Variants in DDX10 observed in about 807,000 individuals in gnomAD.
DDX10 encodes the protein DEAD-box helicase 10.
In DDX10, 74 loss-of-function variants were observed where a neutral mutation model predicts 104.3. The ratio of observed to expected loss-of-function variants is 0.71; its 90% confidence interval spans 0.59 to 0.86. DDX10 has a LOEUF of 0.86. Ranked by LOEUF, DDX10 falls within the 40% of genes least tolerant of loss-of-function variation. DDX10 has a pLI of 0.00. For synonymous variants in DDX10, 351 were observed against 353.4 expected, an observed-to-expected ratio of 0.99 and a Z score of 0.08; for missense variants, 952 against 1,040.0, an observed-to-expected ratio of 0.92 and a Z score of 1.16.
At chr11:108,796,320 C>G (rs1861940991) in intron 13 of DDX10, among the ~76,000 whole-genome samples, 1 of 152,168 alleles carries the variant, frequency 6.6e-6, no homozygotes, top group Non-Finnish European at 1.5e-5. Flanking sequence ...TGACAAAACT[C>G]TTGTGTTCTA....
chr11:108,940,645 C>A lies in DDX10; in HGVS notation c.*222C>A. 2.6e-6 allele frequency: 1 copy of A among 391,860 alleles called. No homozygotes were observed. The allele number at this position is 391,860 out of a possible 1,614,324, so 24.3% of individuals were successfully genotyped here. On this transcript the variant is annotated 3_prime_UTR_variant, in exon 18 of 18. Coordinates refer to ENST00000322536, the MANE Select transcript of DDX10 (RefSeq NM_004398.4). ...GAGGGTGGATGATACCATTTCCTGACCCCGTTTTCCAGCATGTGTTCTGTT... is the reference window on the plus strand; with the variant it reads ...GAGGGTGGATGATACCATTTCCTGAACCCGTTTTCCAGCATGTGTTCTGTT...
intron 9 of DDX10, among the ~76,000 whole-genome samples, chr11:108,695,913 A>G (rs1217039445): frequency 1.3e-5 from 2 of 152,192 alleles, no homozygotes; most frequent in African/African-American, 4.8e-5. Context: ...AGACTATTTA[A>G]AAATAGGATT....
chr11:108,916,373 C>A (rs963399619), intron 16 of DDX10, among the ~76,000 whole-genome samples: 1 of 152,012 alleles, frequency 6.6e-6, no homozygotes, highest in Non-Finnish European at 1.5e-5. Context: ...TCTAATCCCC[C>A]CTCCCCCCAA....
chr11:108,808,019 C>A (rs1015105125), intron 13 of DDX10, among the ~76,000 whole-genome samples: 2 of 152,124 alleles, frequency 1.3e-5, no homozygotes, highest in African/African-American at 4.8e-5. Flanking sequence ...CAGTTTCACT[C>A]ACAAATAGCC....
At chr11:108,758,183 A>G (rs1003658667) in intron 13 of DDX10, among the ~76,000 whole-genome samples, 1 of 152,038 alleles carries the variant, frequency 6.6e-6, no homozygotes, top group African/African-American at 2.4e-5. Flanking sequence ...GGGTGAAGCT[A>G]TAGGTTATAC....
At chr11:108,916,634 A>G (rs1863754331) in intron 16 of DDX10, among the ~76,000 whole-genome samples, 1 of 152,184 alleles carries the variant, frequency 6.6e-6, no homozygotes, top group Non-Finnish European at 1.5e-5. Flanking sequence ...AGTTTATATC[A>G]TTTGGTATGA....
At chr11:108,914,695 C>T (rs1863723226) in intron 16 of DDX10, among the ~76,000 whole-genome samples, 1 of 151,982 alleles carries the variant, frequency 6.6e-6, no homozygotes, top group African/African-American at 2.4e-5. Context: ...CCAAAAAAGG[C>T]AATCAGTAGA....
chr11:108,840,932 A>G (rs1364561999), intron 14 of DDX10, among the ~76,000 whole-genome samples: 6 of 152,202 alleles, frequency 3.9e-5, no homozygotes, highest in Non-Finnish European at 7.3e-5. Context: ...TGGAAGCCCA[A>G]AGGAGGTACA....
chr11:108,673,351 G>T, intron 1 of DDX10, 116 bp from the exon 2 acceptor site: 1 of 691,708 alleles, frequency 1.4e-6, no homozygotes, highest in Non-Finnish European at 2.5e-6. Flanking sequence ...AATTAGAAGC[G>T]ATGATTGAAT....
At chr11:108,939,764 G>T (rs7130475) in intron 17 of DDX10, among the ~76,000 whole-genome samples, 5 of 152,182 alleles carry the variant, frequency 3.3e-5, no homozygotes, top group African/African-American at 1.2e-4. Context: ...TAACTAATCT[G>T]TAATTTAACA....
intron 13 of DDX10, among the ~76,000 whole-genome samples, chr11:108,740,294 T>C (rs1026747555): frequency 2.0e-5 from 3 of 152,204 alleles, no homozygotes; most frequent in African/African-American, 7.2e-5. Context: ...TCCATCCATG[T>C]TGCTACAAAG....
In DDX10 at chr11:108,679,488, C is replaced by G. The variant is rs2094231586; in HGVS notation, c.776C>G (p.Ser259Cys). 1 of 1,613,628 alleles carries G rather than the reference C, an allele frequency of 6.2e-7. No individual in the cohort carries two copies. The highest frequency in any genetic ancestry group is 8.5e-7 in the Non-Finnish European group (1 of 1,179,948). Residue 259 changes from serine (S) to cysteine (C), a missense_variant, in exon 6 of 18, where the codon TCT becomes TGT. By Grantham distance (112) the Ser-to-Cys change is moderately radical. This residue lies in a region of DDX10 where 412 missense variants were observed against 479.2 expected (regional missense o/e 0.86). Coordinates refer to ENST00000322536, the MANE Select transcript of DDX10 (RefSeq NM_004398.4). ...TLLFSATQTK[S>C]VKDLARLSLK... is the part of the protein sequence containing the mutation. ...CTTTTCTCAGCAACACAAACTAAAT[C>G]TGTAAAGGACCTTGCACGCTTGAGT...
chr11:108,928,844 G>A (rs1266898145), intron 17 of DDX10, among the ~76,000 whole-genome samples: 2 of 152,118 alleles, frequency 1.3e-5, no homozygotes, highest in African/African-American at 4.8e-5. Context: ...TACATTGATA[G>A]GAATAAAACT....
chr11:108,851,922 G>T (rs1166901019), intron 15 of DDX10, among the ~76,000 whole-genome samples: 1 of 152,120 alleles, frequency 6.6e-6, no homozygotes, highest in Non-Finnish European at 1.5e-5. Context: ...ACTAACCATT[G>T]CATAGCCAGA....
At chr11:108,891,084 C>G (rs1225327385) in intron 16 of DDX10, among the ~76,000 whole-genome samples, 2 of 152,106 alleles carry the variant, frequency 1.3e-5, no homozygotes, top group Non-Finnish European at 2.9e-5. Flanking sequence ...TCTTATGAAG[C>G]CCTTGTGGAA....
At chr11:108,939,354 C>A (rs771926937) in intron 17 of DDX10, among the ~76,000 whole-genome samples, 3 of 152,188 alleles carry the variant, frequency 2.0e-5, no homozygotes, top group Admixed American at 1.3e-4. Flanking sequence ...CCTCTCTTAA[C>A]CTCATTGCAG....
chr11:108,670,917 A>T (rs1724595366), intron 1 of DDX10, among the ~76,000 whole-genome samples: 1 of 152,034 alleles, frequency 6.6e-6, no homozygotes, highest in Admixed American at 6.6e-5. Flanking sequence ...ATCAGGCATT[A>T]TTCACTTTAG....
chr11:108,807,435 C>G (rs1285237653), intron 13 of DDX10, among the ~76,000 whole-genome samples: 4 of 152,016 alleles, frequency 2.6e-5, no homozygotes, highest in Non-Finnish European at 5.9e-5. Context: ...TACTGCAGTA[C>G]TCTTTTTGTA....
rs2094264415 is a variant in DDX10 at position 108,699,476 on chromosome 11, C to G, written c.1223+5876C>G. Among the ~76,000 whole-genome samples the G allele has an allele frequency of 2.0e-5, 3 of 152,200 alleles. No homozygotes were observed. The South Asian group carries it at 6.2e-4, about 32-fold the overall frequency. On this transcript the variant is annotated intron_variant, in intron 9 of 17. Coordinates refer to ENST00000322536, the MANE Select transcript of DDX10 (RefSeq NM_004398.4). ...GTTGTTTCCAGATTCATTTCCTCCT[C>G]TGCTGTTGGTCAGAGGCATCTCTCA...
Sources: gnomAD v4.1 joint callset for allele counts (sites outside exome capture counted in the v4.1 genomes callset) on GRCh38, gnomAD v4.1.1 for gene constraint, gnomAD v4.1.1 regional missense constraint, MANE v1.5 for transcripts, NCBI Gene and HGNC (gene_info 2026-07-23, HGNC 2026-07-21) for gene names.